Variants in MEIS1 observed in about 807,000 individuals in gnomAD.
MEIS1 encodes Meis homeobox 1.
Under a neutral mutation model 50.8 loss-of-function variants are expected in MEIS1, and 5 were observed. The observed-to-expected ratio is 0.10, with a 90% confidence interval of 0.05 to 0.21. MEIS1 has a LOEUF of 0.21. Ranked by LOEUF, MEIS1 falls within the 10% of genes least tolerant of loss-of-function variation. MEIS1 has a pLI of 1.00. For missense variants in MEIS1, 318 were observed against 517.3 expected, an observed-to-expected ratio of 0.61 and a Z score of 3.74; for synonymous variants, 176 against 179.3, an observed-to-expected ratio of 0.98 and a Z score of 0.15.
intron 7 of MEIS1, among the ~76,000 whole-genome samples, chr2:66,468,441 G>C (rs1416532761): frequency 6.6e-6 from 1 of 152,186 alleles, no homozygotes; most frequent in African/African-American, 2.4e-5. Context: ...CTAAATAAAT[G>C]ATGGTAAAAA....
chr2:66,532,081 G>A (rs935772916), intron 8 of MEIS1, among the ~76,000 whole-genome samples: 1 of 152,074 alleles, frequency 6.6e-6, no homozygotes, highest in Non-Finnish European at 1.5e-5. Context: ...GTTCTGAGGT[G>A]GAGTGTCTTC....
At chr2:66,508,086 C>G (rs912309282) in intron 7 of MEIS1, among the ~76,000 whole-genome samples, 4 of 152,206 alleles carry the variant, frequency 2.6e-5, no homozygotes, top group African/African-American at 9.7e-5. Flanking sequence ...AAAGGTTTGA[C>G]AGTTTGACAT....
At chr2:66,495,094 T>C (rs971462897) in intron 7 of MEIS1, among the ~76,000 whole-genome samples, 4 of 148,880 alleles carry the variant, frequency 2.7e-5, no homozygotes, top group Admixed American at 6.7e-5. Flanking sequence ...TTTTTTTTTT[T>C]TTTTTTTTTT....
chr2:66,564,459 C>T (rs1202364476), intron 9 of MEIS1, among the ~76,000 whole-genome samples: 1 of 152,160 alleles, frequency 6.6e-6, no homozygotes, highest in East Asian at 1.9e-4. Flanking sequence ...TTCAGGAGGA[C>T]ATAGACAAAG....
chr2:66,531,781 C>T (rs1049371240), intron 8 of MEIS1, among the ~76,000 whole-genome samples: 3 of 152,186 alleles, frequency 2.0e-5, no homozygotes, highest in Non-Finnish European at 4.4e-5. Flanking sequence ...GACCCCAGGC[C>T]TGACTGCAGC....
rs1675489931 is a variant in MEIS1 at position 66,571,638 on chromosome 2, C to G, written c.*430C>G. On this transcript the variant is annotated 3_prime_UTR_variant, in exon 13 of 13. Coordinates refer to ENST00000272369, the MANE Select transcript of MEIS1 (RefSeq NM_002398.3). The stretch of plus-strand genomic sequence containing the variant: ...CATCTACTCTGGACCAAGGAGCATC[C>G]CTAATTCTTCATAGGGACCTTTAAA... The G allele has an allele frequency of 3.0e-6, 4 of 1,312,872 alleles. No individual in the cohort carries two copies. Among genetic ancestry groups the G allele is most frequent in the Non-Finnish European group, 4.2e-6 (4 of 953,892 alleles). 81.3% of individuals were successfully genotyped at this position (1,312,872 alleles called of 1,614,324 possible).
chr2:66,472,605 T>A (rs1672788217), intron 7 of MEIS1, among the ~76,000 whole-genome samples: 1 of 152,218 alleles, frequency 6.6e-6, no homozygotes, highest in South Asian at 2.1e-4. Context: ...TGTATTTATT[T>A]CACAACATGC....
chr2:66,567,617 G>C, intron 10 of MEIS1, 106 bp downstream of exon 10: 1 of 963,874 alleles, frequency 1.0e-6, no homozygotes, highest in South Asian at 1.4e-5. Flanking sequence ...AGTGAGTATA[G>C]GAACGCCTGG....
intron 9 of MEIS1, among the ~76,000 whole-genome samples, chr2:66,556,915 G>A (rs1000603614): frequency 2.0e-5 from 3 of 151,694 alleles, no homozygotes; most frequent in Non-Finnish European, 4.4e-5. Context: ...GACTTGGGGC[G>A]GGGTGGGAGG....
chr2:66,469,910 G>A (rs1175370837), intron 7 of MEIS1, among the ~76,000 whole-genome samples: 2 of 150,700 alleles, frequency 1.3e-5, no homozygotes, highest in East Asian at 1.9e-4. Flanking sequence ...AGTTAATACT[G>A]CTTGTTTCTA....
At chr2:66,481,354 C>T (rs913458828) in intron 7 of MEIS1, among the ~76,000 whole-genome samples, 18 of 152,214 alleles carry the variant, frequency 1.2e-4, no homozygotes, top group Non-Finnish European at 2.5e-4. Flanking sequence ...TGTGGGAAAG[C>T]TTTCTTTGTG....
In MEIS1 at chr2:66,439,613, C is replaced by T. The variant is rs752622037; in HGVS notation, c.240-230C>T. On this transcript the variant is annotated intron_variant, in intron 2 of 12. Transcript: ENST00000272369. ...CTCCGGCCAGATACGCTAAACCGAT[C>T]CTCAGATACCGTCCATGGCTCAGGG... The T allele has an allele frequency of 6.2e-4, 952 of 1,536,846 alleles. 1 individual carries two copies. The highest frequency in any genetic ancestry group is 7.7e-4 in the Non-Finnish European group (882 of 1,146,766).
At chr2:66,534,663 A>T (rs1674476396) in intron 8 of MEIS1, among the ~76,000 whole-genome samples, 1 of 152,218 alleles carries the variant, frequency 6.6e-6, no homozygotes, top group Admixed American at 6.5e-5. Context: ...GACTCTCCAC[A>T]TAGGCCTAAG....
intron 8 of MEIS1, among the ~76,000 whole-genome samples, chr2:66,536,441 C>G (rs1014283965): frequency 1.3e-5 from 2 of 152,168 alleles, no homozygotes; most frequent in Non-Finnish European, 2.9e-5. Context: ...TTTTCTGTTA[C>G]TTAGAGACAA....
At chr2:66,557,321 A>G (rs751470874) in intron 9 of MEIS1, among the ~76,000 whole-genome samples, 2 of 152,168 alleles carry the variant, frequency 1.3e-5, no homozygotes, top group Admixed American at 1.3e-4. Context: ...ATTTAATTCA[A>G]TGGTTTTTAG....
chr2:66,496,699 G>A (rs920380005), intron 7 of MEIS1, among the ~76,000 whole-genome samples: 5 of 152,176 alleles, frequency 3.3e-5, no homozygotes, highest in Admixed American at 2.0e-4. Context: ...CTAGCTAAGC[G>A]AGGATTCCCC....
rs72893265 is a variant in MEIS1, at chr2:66,442,242, T to C, written c.484-660T>C. ...GGAAACCTCTGCACTTACACTTAAATATTTTGAGGCATTCCTTCTCCTTTT... is the reference window on the plus strand; with the variant it reads ...GGAAACCTCTGCACTTACACTTAAACATTTTGAGGCATTCCTTCTCCTTTT... On this transcript the variant is annotated intron_variant, in intron 5 of 12. Coordinates refer to ENST00000272369, the MANE Select transcript of MEIS1 (RefSeq NM_002398.3). Among the ~76,000 whole-genome samples the C allele has an allele frequency of 9.4e-3, 1,292 of 137,970 alleles. 15 individuals are homozygous for C. Among genetic ancestry groups the C allele is most frequent in the African/African-American group, 0.034 (1,240 of 36,302 alleles). The allele number at this position is 137,970 out of a possible 152,430, so 90.5% of individuals were successfully genotyped here.
At chr2:66,485,263 C>A (rs1406280310) in intron 7 of MEIS1, among the ~76,000 whole-genome samples, 3 of 152,112 alleles carry the variant, frequency 2.0e-5, no homozygotes. Context: ...CCTTGCACCC[C>A]ACCCCGACAG....
intron 7 of MEIS1, among the ~76,000 whole-genome samples, chr2:66,489,306 C>T (rs1673218215): frequency 6.6e-6 from 1 of 152,170 alleles, no homozygotes; most frequent in Admixed American, 6.5e-5. Flanking sequence ...TTGTGTCTTG[C>T]TTTTGGAGTC....
Sources: allele counts gnomAD v4.1 joint callset (sites outside exome capture counted in the v4.1 genomes callset), GRCh38; gene constraint gnomAD v4.1.1; transcripts MANE v1.5; gene names NCBI Gene and HGNC (gene_info 2026-07-23, HGNC 2026-07-21).